CSMD1: variants seen among roughly 807,000 people sequenced by gnomAD.
CSMD1 encodes CUB and Sushi multiple domains 1, also known as CUB and sushi domain-containing protein 1.
A neutral mutation model predicts 417.5 loss-of-function variants in CSMD1; 213 were observed. That is an observed-to-expected ratio of 0.51 (90% CI 0.46 to 0.57). The LOEUF (loss-of-function observed/expected upper bound fraction) is 0.57, where lower values mean the gene tolerates loss of function less well. Ranked by LOEUF, CSMD1 falls within the 20% of genes least tolerant of loss-of-function variation. The pLI, the probability that CSMD1 is intolerant of heterozygous loss-of-function variation, is 0.00. For missense variants in CSMD1, 6,923 were observed against 4,529.7 expected, an observed-to-expected ratio of 1.53 and a Z score of -15.17; for synonymous variants, 2,862 against 1,736.8, an observed-to-expected ratio of 1.65 and a Z score of -16.11.
At chr8:4,595,056 G>C (rs765324911) in intron 2 of CSMD1, among the ~76,000 whole-genome samples, 6 of 152,166 alleles carry the variant, frequency 3.9e-5, no homozygotes, top group African/African-American at 1.4e-4. Flanking sequence ...AACCTTAGAG[G>C]TGTAAACATA....
intron 1 of CSMD1, among the ~76,000 whole-genome samples, chr8:4,752,419 C>T (rs1811391229): frequency 6.6e-6 from 1 of 152,142 alleles, no homozygotes; most frequent in Non-Finnish European, 1.5e-5. Flanking sequence ...ATGGACTGAA[C>T]TTGTGACTGA....
intron 49 of CSMD1, among the ~76,000 whole-genome samples, chr8:3,080,386 T>C (rs954163701): frequency 6.6e-6 from 1 of 152,212 alleles, no homozygotes. Context: ...CCTGGCTTTA[T>C]CAAGGTCGAT....
chr8:3,995,334 A>G lies in CSMD1; in HGVS notation c.818+2569T>C, dbSNP rs140255125. Among the ~76,000 whole-genome samples, 38 of 152,288 alleles carry G rather than the reference A, an allele frequency of 2.5e-4. 1 individual carries two copies. Among genetic ancestry groups the G allele is most frequent in the African/African-American group, 9.1e-4 (38 of 41,572 alleles). Reference sequence around the variant, plus strand: ...GTAGTCCTTGTGGCTGTGTTAAGATACTTCTTTTGACTATTATGATAAACA... The same window carrying G: ...GTAGTCCTTGTGGCTGTGTTAAGATGCTTCTTTTGACTATTATGATAAACA... On this transcript the variant is annotated intron_variant, in intron 5 of 69. Transcript: ENST00000635120.
chr8:4,246,257 C>A (rs1700102), intron 3 of CSMD1, among the ~76,000 whole-genome samples: 7 of 151,966 alleles, frequency 4.6e-5, no homozygotes, highest in African/African-American at 7.2e-5. Flanking sequence ...CTTACTTATA[C>A]ATGATAACTT....
chr8:4,443,056 T>A (rs1183490789), intron 2 of CSMD1, among the ~76,000 whole-genome samples: 1 of 152,210 alleles, frequency 6.6e-6, no homozygotes, highest in Non-Finnish European at 1.5e-5. Context: ...AATATACAAT[T>A]ATTTGAGAAG....
intron 2 of CSMD1, among the ~76,000 whole-genome samples, chr8:4,464,624 G>T (rs181157793): frequency 5.3e-5 from 8 of 152,158 alleles, no homozygotes; most frequent in Non-Finnish European, 1.0e-4. Context: ...TTGTAAAAGG[G>T]TAAGAGTCCC....
chr8:3,739,094 G>T (rs73187267), intron 6 of CSMD1, among the ~76,000 whole-genome samples: 12,183 of 152,066 alleles, frequency 0.08, 598 homozygotes, highest in East Asian at 0.13. Context: ...AAATAGTGGG[G>T]ATTTATTCTA....
At chr8:3,620,064 T>C (rs1802347921) in intron 7 of CSMD1, among the ~76,000 whole-genome samples, 2 of 152,084 alleles carry the variant, frequency 1.3e-5, no homozygotes, top group Admixed American at 1.3e-4. Context: ...ACTGTGCCCC[T>C]GCATTCTAGC....
intron 1 of CSMD1, among the ~76,000 whole-genome samples, chr8:4,781,067 G>A (rs991473952): frequency 6.6e-6 from 1 of 152,064 alleles, no homozygotes; most frequent in Non-Finnish European, 1.5e-5. Context: ...TCCTTTCTGT[G>A]TCCCGCCGTC....
Position 4,382,623 on chromosome 8 carries a change from A to G in CSMD1, c.415+37330T>C, listed in dbSNP as rs188174044. 2.1e-3 allele frequency among the ~76,000 whole-genome samples: 326 copies of G among 152,352 alleles called. 2 individuals are homozygous for G. Among genetic ancestry groups the G allele is most frequent in the Non-Finnish European group, 1.8e-3 (120 of 68,032 alleles). On this transcript the variant is annotated intron_variant, in intron 3 of 69. Coordinates refer to ENST00000635120, the MANE Select transcript of CSMD1 (RefSeq NM_033225.6). ...CCATTAAATCTTAAAGGTCATACATATAATTGCATCTAAGTTTAGGAAAAC... is the reference window on the plus strand; with the variant it reads ...CCATTAAATCTTAAAGGTCATACATGTAATTGCATCTAAGTTTAGGAAAAC...
chr8:4,866,616 T>C (rs539120824), intron 1 of CSMD1, among the ~76,000 whole-genome samples: 2 of 151,906 alleles, frequency 1.3e-5, no homozygotes, highest in African/African-American at 4.8e-5. Context: ...AGTAGCTGAG[T>C]CATAACCTCA....
At chr8:3,948,986 G>A (rs2954647) in intron 5 of CSMD1, among the ~76,000 whole-genome samples, 4 of 151,918 alleles carry the variant, frequency 2.6e-5, no homozygotes, top group East Asian at 3.9e-4. Context: ...GTAAGAAGTT[G>A]TGTATATAAC....
Position 3,118,443 on chromosome 8 carries a change from T to C in CSMD1, c.6386A>G (p.His2129Arg). 6.2e-7 allele frequency: 1 copy of C among 1,613,842 alleles called. No individual in the cohort carries two copies. The highest frequency in any genetic ancestry group is 8.5e-7 in the Non-Finnish European group (1 of 1,179,836). The part of the protein sequence containing the change: ...LIGHPVLTCQ[H>R]GINRNWNYPF... ...GTAGTTCCAGTTTCTGTTGATCCCATGCTGACAAGTGAGGACAGGATGGCC... is the reference window on the plus strand; with the variant it reads ...GTAGTTCCAGTTTCTGTTGATCCCACGCTGACAAGTGAGGACAGGATGGCC... The change falls in exon 42 of 70, where the codon CAT (histidine) becomes CGT (arginine). Residue 2129 changes from histidine (H) to arginine (R), a missense_variant. By Grantham distance (29) the His-to-Arg change is conservative (BLOSUM62 0). Transcript: ENST00000635120.
At chr8:3,876,965 T>C (rs62482708) in intron 5 of CSMD1, among the ~76,000 whole-genome samples, 22,147 of 152,206 alleles carry the variant, frequency 0.15, 1,739 homozygotes, top group East Asian at 0.23. Flanking sequence ...CAAGAAATAA[T>C]TCATAAGTCA....
At chr8:3,568,223 G>C (rs1256360287) in intron 10 of CSMD1, among the ~76,000 whole-genome samples, 3 of 152,104 alleles carry the variant, frequency 2.0e-5, no homozygotes, top group Admixed American at 6.5e-5. Context: ...GTGGATGTTT[G>C]AGTATTTATT....
intron 5 of CSMD1, among the ~76,000 whole-genome samples, chr8:3,886,129 C>A (rs182263547): frequency 3.5e-4 from 54 of 152,188 alleles, no homozygotes; most frequent in Non-Finnish European, 7.4e-5. Context: ...CAGCTCACTG[C>A]AACCTCTGTC....
At chr8:4,493,582 C>G (rs567560479) in intron 2 of CSMD1, among the ~76,000 whole-genome samples, 17 of 152,174 alleles carry the variant, frequency 1.1e-4, no homozygotes, top group Non-Finnish European at 2.2e-4. Context: ...CACCTGTAGT[C>G]CCGGCTACTA....
intron 37 of CSMD1, among the ~76,000 whole-genome samples, chr8:3,162,774 A>G (rs1819979846): frequency 6.6e-6 from 1 of 152,124 alleles, no homozygotes. Context: ...CTTTCTCTTA[A>G]AGACAACAAA....
At chr8:3,924,808 C>T (rs1419507471) in intron 5 of CSMD1, among the ~76,000 whole-genome samples, 1 of 152,116 alleles carries the variant, frequency 6.6e-6, no homozygotes. Flanking sequence ...TCCTGTAAGT[C>T]ACTGAAGTTA....
Sources: allele counts gnomAD v4.1 joint callset (sites outside exome capture counted in the v4.1 genomes callset), GRCh38; gene constraint gnomAD v4.1.1; transcripts MANE v1.5; gene names NCBI Gene and HGNC (gene_info 2026-07-23, HGNC 2026-07-21).